NEURL1B: variants seen among roughly 807,000 people sequenced by gnomAD.
NEURL1B encodes E3 ubiquitin-protein ligase NEURL1B.
In NEURL1B, 13 loss-of-function variants were observed where a neutral mutation model predicts 37.4. That is an observed-to-expected ratio of 0.35 (90% CI 0.23 to 0.55). The LOEUF is 0.55. Ranked by LOEUF, NEURL1B falls within the 20% of genes least tolerant of loss-of-function variation. NEURL1B has a pLI of 0.89. For missense variants in NEURL1B, 790 were observed against 879.2 expected (o/e 0.90, Z 1.28); for synonymous variants, 432 against 426.6 (o/e 1.01, Z -0.16).
chr5:172,686,615 G>T lies in NEURL1B; in HGVS notation c.1424-66G>T, dbSNP rs1015543050. ...CAGCAAGAAGCCCTGCATTCTCGGG[G>T]TTGCCCCAACAGAGCCCACCTGAGA... On this transcript the variant is annotated intron_variant, in intron 4 of 4. Coordinates refer to ENST00000369800, the MANE Select transcript of NEURL1B (RefSeq NM_001142651.3). The surrounding 1 kb of genome is among the most constrained non-coding windows in gnomAD (Gnocchi z 7.9). The T allele has an allele frequency of 1.3e-6, 2 of 1,497,880 alleles. No homozygotes were observed. The highest frequency in any genetic ancestry group is 1.4e-5 in the African/African-American group (1 of 71,910). The allele number at this position is 1,497,880 out of a possible 1,614,324, so 92.8% of individuals were successfully genotyped here. A position where few individuals can be genotyped will look rare whatever the true frequency, so the allele number is the denominator to read the frequency against.
chr5:172,667,032 C>T (rs1316172702), intron 1 of NEURL1B, among the ~76,000 whole-genome samples: 2 of 152,008 alleles, frequency 1.3e-5, no homozygotes, highest in East Asian at 3.9e-4. Context: ...GTGCTGAGCC[C>T]AGGGAAACCA....
rs140330352 is a variant in NEURL1B at position 172,674,401 on chromosome 5, G to A, written c.577+4071G>A. 5.4e-4 allele frequency among the ~76,000 whole-genome samples: 82 copies of A among 152,222 alleles called. 1 individual carries two copies. The highest frequency in any genetic ancestry group is 1.9e-3 in the African/African-American group (78 of 41,538). Reference sequence around the variant, plus strand: ...AGTGCTGCATCTATGGGGCCAGACCGTGGGGTGCCCTTTCTAGGTAAAGAA... The same window carrying A: ...AGTGCTGCATCTATGGGGCCAGACCATGGGGTGCCCTTTCTAGGTAAAGAA... On this transcript the variant is annotated intron_variant, in intron 2 of 4. Transcript: ENST00000369800.
At chr5:172,655,449 T>C (rs909550313) in intron 1 of NEURL1B, among the ~76,000 whole-genome samples, 5 of 152,116 alleles carry the variant, frequency 3.3e-5, no homozygotes, top group African/African-American at 1.2e-4. Flanking sequence ...GTTGGTGTGC[T>C]GGTATAAATC....
rs1303759792 is a variant in NEURL1B, at chr5:172,665,238, T to C, written c.32-4547T>C. Among the ~76,000 whole-genome samples the C allele has an allele frequency of 6.6e-6, 1 of 152,248 alleles. No individual in the cohort carries two copies. Among genetic ancestry groups the C allele is most frequent in the Non-Finnish European group, 1.5e-5 (1 of 68,040 alleles). On this transcript the variant is annotated intron_variant, in intron 1 of 4. Transcript: ENST00000369800. This position sits in a 1 kb window ranked among gnomAD's most constrained non-coding sequence, Gnocchi z 4.1. ...TTGCCAGCTGGAGGGGGCCTTGGCCTGCTGGGCACTGGGGGAAGCTGCACC... is the reference window on the plus strand; with the variant it reads ...TTGCCAGCTGGAGGGGGCCTTGGCCCGCTGGGCACTGGGGGAAGCTGCACC...
intron 1 of NEURL1B, among the ~76,000 whole-genome samples, chr5:172,646,160 G>A (rs948091032): frequency 1.3e-5 from 2 of 152,192 alleles, no homozygotes. Context: ...CTGGTGTTAT[G>A]GTGTTAGACT....
chr5:172,670,287 G>A lies in NEURL1B; in HGVS notation c.534G>A (p.Ala178=), dbSNP rs1758098305. The change falls in exon 2 of 5, where the codon GCG becomes GCA. Residue 178 remains alanine, a synonymous_variant. Coordinates refer to ENST00000369800, the MANE Select transcript of NEURL1B (RefSeq NM_001142651.3). ...CGVAVGGPLW[A]LIDVYGITDE... ...TGGCCGTGGGCGGCCCGCTCTGGGC[G>A]CTCATTGATGTCTACGGCATCACCG... The A allele has an allele frequency of 6.5e-6, 9 of 1,384,288 alleles. No homozygotes were observed. Among genetic ancestry groups the A allele is most frequent in the Non-Finnish European group, 8.4e-6 (9 of 1,073,648 alleles). 85.8% of individuals were successfully genotyped at this position (1,384,288 alleles called of 1,614,324 possible). A position where few individuals can be genotyped will look rare whatever the true frequency, so the allele number is the denominator to read the frequency against.
chr5:172,675,669 G>A lies in NEURL1B; in HGVS notation c.577+5339G>A, dbSNP rs1758219859. Reference sequence around the variant, plus strand: ...CTCCAGGAAGCATTTATCACAGGTGGAATATCCCTTGTCGGAAATGCTTAT... The same window carrying A: ...CTCCAGGAAGCATTTATCACAGGTGAAATATCCCTTGTCGGAAATGCTTAT... On this transcript the variant is annotated intron_variant, in intron 2 of 4. Coordinates refer to ENST00000369800, the MANE Select transcript of NEURL1B (RefSeq NM_001142651.3). This position sits in a 1 kb window ranked among gnomAD's most constrained non-coding sequence, Gnocchi z 4.7. Among the ~76,000 whole-genome samples the A allele has an allele frequency of 6.6e-6, 1 of 152,008 alleles. No individual in the cohort carries two copies. The highest frequency in any genetic ancestry group is 6.5e-5 in the Admixed American group (1 of 15,268).
At position 172,690,207 on chromosome 5, in the gene NEURL1B, A is replaced by AG. The variant is rs1758616871; in HGVS notation, c.*3282_*3283insG. 6.6e-6 allele frequency: 1 copy of AG among 152,172 alleles called. No individual in the cohort carries two copies. The highest frequency in any genetic ancestry group is 1.5e-5 in the Non-Finnish European group (1 of 68,040). 9.4% of individuals were successfully genotyped at this position (152,172 alleles called of 1,614,324 possible). On this transcript the variant is annotated 3_prime_UTR_variant, in exon 5 of 5. Coordinates refer to ENST00000369800, the MANE Select transcript of NEURL1B (RefSeq NM_001142651.3). Reference sequence around the variant, plus strand: ...CCATTCATTCGGAGACTCCTGAAAAACTGGGCTGTTTGCAAAGCAAATCCA... The same window carrying AG: ...CCATTCATTCGGAGACTCCTGAAAAAGCTGGGCTGTTTGCAAAGCAAATCCA...
chr5:172,670,149 AC>A lies in NEURL1B; in HGVS notation c.397del (p.Leu133CysfsTer26). ...VTRPGYWAKA[L>X]PENLALRDTV... ...CGCGGCCGGGCTACTGGGCCAAGGC[AC>A]TGCCCGAGAACCTGGCGCTGCGCGA... On this transcript the variant is annotated frameshift_variant, in exon 2 of 5. Coordinates refer to ENST00000369800, the MANE Select transcript of NEURL1B (RefSeq NM_001142651.3). LOFTEE classifies it high-confidence loss of function. 6.6e-7 allele frequency: 1 copy of A among 1,503,792 alleles called. No individual in the cohort carries two copies. The allele number at this position is 1,503,792 out of a possible 1,614,324, so 93.2% of individuals were successfully genotyped here.
rs1479390009 is a variant in NEURL1B at position 172,647,592 on chromosome 5, C to A, written c.31+6155C>A. Among the ~76,000 whole-genome samples the A allele has an allele frequency of 6.6e-6, 1 of 152,102 alleles. No individual in the cohort carries two copies. Among genetic ancestry groups the A allele is most frequent in the Non-Finnish European group, 1.5e-5 (1 of 68,012 alleles). On this transcript the variant is annotated intron_variant, in intron 1 of 4. Transcript: ENST00000369800. The surrounding 1 kb of genome is among the most constrained non-coding windows in gnomAD (Gnocchi z 4.2). ...TTGCTGACTTGCTGCTGCCCCTTGT[C>A]CTCGTCCTGAGCACCTGAGCCCCAC...
At position 172,687,000 on chromosome 5, in the gene NEURL1B, C is replaced by T; in HGVS notation, c.*75C>T. Reference sequence around the variant, plus strand: ...CCCCCTGGGCTGGGCAACCACATGGCTGCCAGGGAGTCCACGGGCAGCGGC... The same window carrying T: ...CCCCCTGGGCTGGGCAACCACATGGTTGCCAGGGAGTCCACGGGCAGCGGC... On this transcript the variant is annotated 3_prime_UTR_variant, in exon 5 of 5. Coordinates refer to ENST00000369800, the MANE Select transcript of NEURL1B (RefSeq NM_001142651.3). The surrounding 1 kb of genome is among the most constrained non-coding windows in gnomAD (Gnocchi z 7.9). 1 of 1,468,158 alleles carries T rather than the reference C, an allele frequency of 6.8e-7. No homozygotes were observed. The highest frequency in any genetic ancestry group is 9.2e-7 in the Non-Finnish European group (1 of 1,091,214). 90.9% of individuals were successfully genotyped at this position (1,468,158 alleles called of 1,614,324 possible). A position where few individuals can be genotyped will look rare whatever the true frequency, so the allele number is the denominator to read the frequency against.
intron 1 of NEURL1B, among the ~76,000 whole-genome samples, chr5:172,648,486 G>T (rs956882349): frequency 1.3e-5 from 2 of 152,230 alleles, no homozygotes; most frequent in African/African-American, 4.8e-5. Flanking sequence ...AGCCCTGGGA[G>T]ATGGCTCCTA....
Position 172,647,271 on chromosome 5 carries a change from A to G in NEURL1B, c.31+5834A>G, listed in dbSNP as rs1757576673. 6.6e-6 allele frequency among the ~76,000 whole-genome samples: 1 copy of G among 152,160 alleles called. No individual in the cohort carries two copies. Among genetic ancestry groups the G allele is most frequent in the South Asian group, 2.1e-4 (1 of 4,836 alleles). On this transcript the variant is annotated intron_variant, in intron 1 of 4. Transcript: ENST00000369800. The surrounding 1 kb of genome is among the most constrained non-coding windows in gnomAD (Gnocchi z 4.2). ...GGGAAGAGGGAGGGCGCCAGGTCGCAGCCCGACAGGTAGCACACGCTCACC... is the reference window on the plus strand; with the variant it reads ...GGGAAGAGGGAGGGCGCCAGGTCGCGGCCCGACAGGTAGCACACGCTCACC...
chr5:172,684,093 T>G lies in NEURL1B; in HGVS notation c.1252T>G (p.Phe418Val). Residue 418 changes from phenylalanine (F) to valine (V), a missense_variant, in exon 3 of 5, where the codon TTC (phenylalanine) becomes GTC (valine). Phe to Val is a conservative substitution (Grantham distance 50). This residue lies in a region of NEURL1B where 460 missense variants were observed against 407.4 expected (regional missense o/e 1.13). Coordinates refer to ENST00000369800, the MANE Select transcript of NEURL1B (RefSeq NM_001142651.3). ...CGACACCACGCAGGCGCTCTGGGCC[T>G]TCTTCGCCGTGCGCGGCGGCGTCGC... is the stretch of plus-strand genomic sequence containing the variant. ...CVDTTQALWAFFAVRGGVAGQ... is the reference protein window; with the variant it reads ...CVDTTQALWAVFAVRGGVAGQ... 1 of 1,281,808 alleles carries G rather than the reference T, an allele frequency of 7.8e-7. No homozygotes were observed. Among genetic ancestry groups the G allele is most frequent in the Non-Finnish European group, 9.9e-7 (1 of 1,014,206 alleles). The allele number at this position is 1,281,808 out of a possible 1,614,324, so 79.4% of individuals were successfully genotyped here.
chr5:172,671,875 A>G (rs1484390619), intron 2 of NEURL1B, among the ~76,000 whole-genome samples: 1 of 152,280 alleles, frequency 6.6e-6, no homozygotes, highest in Non-Finnish European at 1.5e-5. Flanking sequence ...ACAGTGGAAC[A>G]TCTGAGTGGT....
chr5:172,667,275 T>TAAAAAAAAAAAAAAAAAAAAAAAAAAAA (rs55663413), intron 1 of NEURL1B, among the ~76,000 whole-genome samples: 1 of 72,290 alleles, frequency 1.4e-5, no homozygotes, highest in African/African-American at 8.1e-5. Flanking sequence ...CTGTCTCTAC[T>TAAAAAAAAAAAAAAAAAAAAAAAAAAAA]AAAAAAAAAA....
intron 2 of NEURL1B, among the ~76,000 whole-genome samples, chr5:172,682,216 G>A (rs1009124520): frequency 6.6e-6 from 1 of 152,214 alleles, no homozygotes. Flanking sequence ...TATGTCATAT[G>A]AAGAACATTT....
rs1347993298 is a variant in NEURL1B at position 172,686,045 on chromosome 5, C to T, written c.1298-126C>T. The T allele has an allele frequency of 8.7e-7, 1 of 1,152,398 alleles. No homozygotes were observed. Among genetic ancestry groups the T allele is most frequent in the African/African-American group, 1.5e-5 (1 of 64,882 alleles). 71.4% of individuals were successfully genotyped at this position (1,152,398 alleles called of 1,614,324 possible). A position where few individuals can be genotyped will look rare whatever the true frequency, so the allele number is the denominator to read the frequency against. Reference sequence around the variant, plus strand: ...ATGCACTCTTCACTCCTCAGCAGAACCCTGGGAGATACCTCTGGTCCTCTC... The same window carrying T: ...ATGCACTCTTCACTCCTCAGCAGAATCCTGGGAGATACCTCTGGTCCTCTC... On this transcript the variant is annotated intron_variant, in intron 3 of 4. Coordinates refer to ENST00000369800, the MANE Select transcript of NEURL1B (RefSeq NM_001142651.3). This position sits in a 1 kb window ranked among gnomAD's most constrained non-coding sequence, Gnocchi z 7.9.
chr5:172,649,973 G>A (rs1757631297), intron 1 of NEURL1B, among the ~76,000 whole-genome samples: 1 of 152,190 alleles, frequency 6.6e-6, no homozygotes, highest in South Asian at 2.1e-4. Context: ...GGCAAGGGGG[G>A]GAAAGTTCTT....
Sources: allele counts gnomAD v4.1 joint callset (sites outside exome capture counted in the v4.1 genomes callset), GRCh38; gene constraint gnomAD v4.1.1; regional missense constraint gnomAD v4.1.1; non-coding constraint Gnocchi (gnomAD v3.1); transcripts MANE v1.5; gene names NCBI Gene and HGNC (gene_info 2026-07-23, HGNC 2026-07-21).